The following RBPJ variants were observed in gnomAD, a reference collection of about 807,000 sequenced individuals.
RBPJ encodes the protein recombining binding protein suppressor of hairless.
RBPJ carries 9 observed loss-of-function variants against 67.8 expected under a neutral mutation model. The ratio of observed to expected loss-of-function variants is 0.13; its 90% CI spans 0.08 to 0.23. The LOEUF is 0.23. RBPJ is among the 10% of genes least tolerant of loss of function. The probability of loss-of-function intolerance (pLI) is 1.00; values close to 1 mark genes in which losing one functional copy is unlikely to be tolerated. For synonymous variants in RBPJ, 198 were observed against 203.3 expected (o/e 0.97, Z 0.22); for missense variants, 305 against 595.6 (o/e 0.51, Z 5.08).
Position 26,415,581 on chromosome 4 carries a change from G to T in RBPJ, c.262G>T (p.Ala88Ser). 1 of 1,611,654 alleles carries T rather than the reference G, an allele frequency of 6.2e-7. No individual in the cohort carries two copies. The highest frequency in any genetic ancestry group is 8.5e-7 in the Non-Finnish European group (1 of 1,179,290). The change falls in exon 4 of 11, where the codon GCA becomes TCA. Residue 88 changes from alanine to serine, a missense_variant. Transcript: ENST00000355476. ...GCSEQESQPC[A>S]FIGIGNSDQE... ...TTCTGAACAAGAGTCTCAACCGTGT[G>T]CATTTATTGGGATAGGAAATAGTGA...
At chr4:26,173,261 G>A (rs753395012) in intron 1 of RBPJ, among the ~76,000 whole-genome samples, 58 of 151,998 alleles carry the variant, frequency 3.8e-4, no homozygotes, top group Non-Finnish European at 7.1e-4. Context: ...TCAGCCTCCC[G>A]AATAGCTGGG....
chr4:26,120,297 GC>G, the RBPJ span, among the ~76,000 whole-genome samples: 2 of 152,138 alleles, frequency 1.3e-5, no homozygotes, highest in South Asian at 4.2e-4. Context: ...CGCTGGGCAG[GC>G]TTTTCAACTG....
chr4:26,420,655 G>A lies in RBPJ; in HGVS notation c.426G>A (p.Val142=). 2 of 1,613,976 alleles carry A rather than the reference G, an allele frequency of 1.2e-6. No individual in the cohort carries two copies. The highest frequency in any genetic ancestry group is 2.2e-5 in the East Asian group (1 of 44,860). ...MFYGNSDDIG[V]FLSKRIKVIS... ...ATGGCAACAGTGATGACATTGGTGT[G>A]TTCCTCAGCAAGCGGATAAAAGTCA... The change falls in exon 5 of 11, where the codon GTG becomes GTA. Residue 142 remains valine, a synonymous_variant. Transcript: ENST00000355476.
chr4:26,321,349 C>T lies in RBPJ; in HGVS notation c.20+301C>T, dbSNP rs1394129321. 2.0e-5 allele frequency: 3 copies of T among 150,992 alleles called. 1 individual carries two copies. The highest frequency in any genetic ancestry group is 1.9e-4 in the East Asian group (1 of 5,166). The allele number at this position is 150,992 out of a possible 1,614,324, so 9.4% of individuals were successfully genotyped here. On this transcript the variant is annotated intron_variant, in intron 1 of 10. Coordinates refer to ENST00000355476, the MANE Select transcript of RBPJ (RefSeq NM_015874.6). ...CGGGCGCCGTGCCTCCCGCGCGCCT[C>T]CAGCGGGCTCTGCCTGGGGGCCCCG...
At chr4:26,147,506 G>A in the RBPJ span, among the ~76,000 whole-genome samples, 5 of 152,170 alleles carry the variant, frequency 3.3e-5, no homozygotes, top group South Asian at 2.1e-4. Flanking sequence ...GCAGAGCCTC[G>A]GTCACCAGCT....
intron 1 of RBPJ, among the ~76,000 whole-genome samples, chr4:26,201,738 A>C (rs1360310286): frequency 6.6e-6 from 1 of 152,192 alleles, no homozygotes; most frequent in Non-Finnish European, 1.5e-5. Flanking sequence ...AACGTTCTAA[A>C]CCAAGTTACA....
chr4:26,428,920 C>A, intron 8 of RBPJ, 60 bp downstream of exon 8: 1 of 1,331,600 alleles, frequency 7.5e-7, no homozygotes, highest in Non-Finnish European at 1.1e-6. Context: ...TAGCAGCTTG[C>A]AAAAATATGA....
chr4:26,397,588 A>G (rs1438281892), intron 2 of RBPJ, among the ~76,000 whole-genome samples: 1 of 152,112 alleles, frequency 6.6e-6, no homozygotes, highest in Non-Finnish European at 1.5e-5. Flanking sequence ...AGGGCCACAT[A>G]CTATCTCTGT....
intron 1 of RBPJ, among the ~76,000 whole-genome samples, chr4:26,268,498 T>C (rs1354008696): frequency 6.6e-6 from 1 of 152,180 alleles, no homozygotes; most frequent in Non-Finnish European, 1.5e-5. Flanking sequence ...TGCTTTCTAA[T>C]TAGCCAGCCA....
Position 26,430,249 on chromosome 4 carries a change from A to G in RBPJ, c.1045-170A>G. ...CGTACTTGCCAGAAAATTTAAATGT[A>G]AATAAACTTGTATGTTATCTTGAAA... On this transcript the variant is annotated intron_variant, in intron 9 of 10. Coordinates refer to ENST00000355476, the MANE Select transcript of RBPJ (RefSeq NM_015874.6). This position sits in a 1 kb window ranked among gnomAD's most constrained non-coding sequence, Gnocchi z 4.1. 1 of 856,138 alleles carries G rather than the reference A, an allele frequency of 1.2e-6. No individual in the cohort carries two copies. The highest frequency in any genetic ancestry group is 2.6e-5 in the East Asian group (1 of 37,796). The allele number at this position is 856,138 out of a possible 1,614,324, so 53.0% of individuals were successfully genotyped here.
At chr4:26,122,405 G>A in the RBPJ span, among the ~76,000 whole-genome samples, 1 of 152,190 alleles carries the variant, frequency 6.6e-6, no homozygotes, top group Non-Finnish European at 1.5e-5. Context: ...ACTGGTGAGT[G>A]GTTCATATGT....
At chr4:26,183,730 C>G (rs1717105816) in intron 1 of RBPJ, among the ~76,000 whole-genome samples, 1 of 152,194 alleles carries the variant, frequency 6.6e-6, no homozygotes, top group Non-Finnish European at 1.5e-5. Context: ...AAAAATGTAG[C>G]CGGGCGTGGT....
At chr4:26,288,659 A>G (rs1411767874) in intron 1 of RBPJ, among the ~76,000 whole-genome samples, 1 of 152,250 alleles carries the variant, frequency 6.6e-6, no homozygotes, top group Non-Finnish European at 1.5e-5. Context: ...AAGCCCTCAC[A>G]AACACGTATT....
At chr4:26,354,029 C>T (rs1441660896) in intron 1 of RBPJ, among the ~76,000 whole-genome samples, 1 of 151,950 alleles carries the variant, frequency 6.6e-6, no homozygotes, top group Admixed American at 6.6e-5. Flanking sequence ...CTCCCGGGTT[C>T]ACGCCATTCT....
intron 1 of RBPJ, among the ~76,000 whole-genome samples, chr4:26,303,997 A>G (rs929177411): frequency 1.3e-5 from 2 of 152,076 alleles, no homozygotes; most frequent in Non-Finnish European, 2.9e-5. Context: ...TATCACTCCA[A>G]ATGAAGTCCT....
At chr4:26,232,527 T>G (rs922455336) in intron 1 of RBPJ, among the ~76,000 whole-genome samples, 1 of 152,216 alleles carries the variant, frequency 6.6e-6, no homozygotes, top group African/African-American at 2.4e-5. Context: ...CAATTAAGTT[T>G]AAAATTTCTG....
At chr4:26,113,300 C>CT in the RBPJ span, 2 of 434,858 alleles carry the variant, frequency 4.6e-6, no homozygotes, top group Admixed American at 5.3e-5. Context: ...GGAAAGCTCA[C>CT]TGAGTGAGGA....
chr4:26,210,588 T>G (rs1335475519), intron 1 of RBPJ, among the ~76,000 whole-genome samples: 1 of 152,208 alleles, frequency 6.6e-6, no homozygotes, highest in African/African-American at 2.4e-5. Flanking sequence ...GGCTTTTAAT[T>G]AAATTTGTCA....
At chr4:26,282,918 T>A (rs1410949354) in intron 1 of RBPJ, among the ~76,000 whole-genome samples, 1 of 145,094 alleles carries the variant, frequency 6.9e-6, no homozygotes. Context: ...GTTTTAAGTG[T>A]AGATTCTTTT....
Sources: gnomAD v4.1 joint callset for allele counts (sites outside exome capture counted in the v4.1 genomes callset) on GRCh38, gnomAD v4.1.1 for gene constraint, Gnocchi (gnomAD v3.1) non-coding constraint, MANE v1.5 for transcripts, NCBI Gene and HGNC (gene_info 2026-07-23, HGNC 2026-07-21) for gene names.